Variants in SFSWAP observed in about 807,000 individuals in gnomAD.
SFSWAP encodes the protein splicing factor, suppressor of white-apricot homolog.
A neutral mutation model predicts 100.7 loss-of-function variants in SFSWAP; 17 were observed. That is an observed-to-expected ratio of 0.17 (90% CI 0.12 to 0.25). The LOEUF (loss-of-function observed/expected upper bound fraction) is 0.25. Among genes scored for constraint, SFSWAP ranks in the 10% least tolerant of loss-of-function variants. SFSWAP has a pLI of 1.00. For missense variants in SFSWAP, 1,005 were observed against 1,262.6 expected (o/e 0.80, Z 3.09); for synonymous variants, 504 against 510.1 (o/e 0.99, Z 0.16).
chr12:131,791,382 C>CT (rs2136276871), intron 15 of SFSWAP, among the ~76,000 whole-genome samples: 1 of 150,892 alleles, frequency 6.6e-6, no homozygotes, highest in South Asian at 2.1e-4. Flanking sequence ...AAGTGAGACT[C>CT]TATCTCAAAG....
intron 13 of SFSWAP, among the ~76,000 whole-genome samples, chr12:131,775,904 A>G (rs1883982454): frequency 6.6e-6 from 1 of 151,858 alleles, no homozygotes; most frequent in East Asian, 1.9e-4. Flanking sequence ...AGCCTGGCCA[A>G]AATAGCAAAA....
Position 131,797,247 on chromosome 12 carries a change from G to C in SFSWAP, c.2604G>C (p.Ser868=). 1 of 1,612,650 alleles carries C rather than the reference G, an allele frequency of 6.2e-7. No individual in the cohort carries two copies. Among genetic ancestry groups the C allele is most frequent in the Non-Finnish European group, 8.5e-7 (1 of 1,179,838 alleles). ...SRTKSKARSQ[S]VSPSKQAAPR... The stretch of plus-strand genomic sequence containing the variant: ...CCAAGTCCAAGGCCAGGTCTCAGTC[G>C]GTGTCACCCAGCAAGCAGGCAGCGC... The change falls in exon 16 of 18, where the codon TCG becomes TCC. Residue 868 remains serine (S), a synonymous_variant. Transcript: ENST00000261674.
intron 14 of SFSWAP, among the ~76,000 whole-genome samples, chr12:131,779,549 G>A (rs369358953): frequency 2.6e-5 from 4 of 152,140 alleles, no homozygotes; most frequent in African/African-American, 7.2e-5. Flanking sequence ...TCAGAACCCC[G>A]TTACACCTTG....
In SFSWAP at chr12:131,714,629, T is replaced by C. The variant is rs1877708982; in HGVS notation, c.389-193T>C. On this transcript the variant is annotated intron_variant, in intron 2 of 17. Coordinates refer to ENST00000261674, the MANE Select transcript of SFSWAP (RefSeq NM_004592.4). This position sits in a 1 kb window ranked among gnomAD's most constrained non-coding sequence, Gnocchi z 6.0. ...CACAAAAGACGTGTATTCAGCTGTCTGTGGGTAAACATGTACTGACAAAAG... is the reference window on the plus strand; with the variant it reads ...CACAAAAGACGTGTATTCAGCTGTCCGTGGGTAAACATGTACTGACAAAAG... The C allele has an allele frequency of 1.7e-6, 1 of 589,576 alleles. No homozygotes were observed. Among genetic ancestry groups the C allele is most frequent in the East Asian group, 2.9e-5 (1 of 34,286 alleles). 36.5% of individuals were successfully genotyped at this position (589,576 alleles called of 1,614,324 possible).
intron 7 of SFSWAP, among the ~76,000 whole-genome samples, chr12:131,747,746 G>A (rs1435762501): frequency 1.3e-5 from 2 of 152,196 alleles, no homozygotes; most frequent in African/African-American, 4.8e-5. Context: ...GACTACAGAG[G>A]AGAGGCATGG....
chr12:131,768,702 G>A (rs1394861493), intron 13 of SFSWAP, among the ~76,000 whole-genome samples: 1 of 152,150 alleles, frequency 6.6e-6, no homozygotes, highest in Non-Finnish European at 1.5e-5. Context: ...GGCAAGGTGG[G>A]AACCCCCAGC....
chr12:131,799,144 T>C (rs766459302), intron 17 of SFSWAP, 35 bp downstream of exon 17: 2 of 1,522,662 alleles, frequency 1.3e-6, no homozygotes, highest in South Asian at 2.2e-5. Flanking sequence ...CTCCCAGCCT[T>C]TCATCAAGGG....
intron 7 of SFSWAP, among the ~76,000 whole-genome samples, chr12:131,742,856 A>G (rs904447954): frequency 2.6e-5 from 4 of 152,054 alleles, no homozygotes; most frequent in South Asian, 4.2e-4. Context: ...TGAGGAGGAG[A>G]AGAAGAGGTT....
At chr12:131,765,418 G>GT (rs1883032227) in intron 12 of SFSWAP, among the ~76,000 whole-genome samples, 1 of 152,214 alleles carries the variant, frequency 6.6e-6, no homozygotes, top group African/African-American at 2.4e-5. Context: ...GGAGGCTAAG[G>GT]TGGGTGGATC....
intron 15 of SFSWAP, among the ~76,000 whole-genome samples, chr12:131,788,851 G>A (rs991405943): frequency 1.1e-4 from 17 of 152,124 alleles, no homozygotes; most frequent in South Asian, 2.1e-4. Context: ...CAGAGCGGGC[G>A]TCCACTTCCT....
intron 6 of SFSWAP, among the ~76,000 whole-genome samples, chr12:131,727,369 G>A (rs1396304693): frequency 1.3e-5 from 2 of 152,218 alleles, no homozygotes; most frequent in African/African-American, 4.8e-5. Flanking sequence ...TTTGTTGTGC[G>A]GGTGTGGTGG....
intron 13 of SFSWAP, among the ~76,000 whole-genome samples, chr12:131,768,047 G>A (rs890718548): frequency 1.6e-4 from 24 of 152,254 alleles, no homozygotes; most frequent in Admixed American, 7.8e-4. Flanking sequence ...GCGCGTGCTC[G>A]CTCATCTATA....
intron 13 of SFSWAP, among the ~76,000 whole-genome samples, chr12:131,777,755 AT>A (rs978427473): frequency 3.9e-5 from 6 of 152,022 alleles, no homozygotes; most frequent in Non-Finnish European, 8.8e-5. Flanking sequence ...AAAGGAACGT[AT>A]TTTTTCCCAG....
chr12:131,723,121 G>A (rs757000564), intron 4 of SFSWAP: 2 of 152,110 alleles, frequency 1.3e-5, no homozygotes, highest in Admixed American at 6.5e-5. Flanking sequence ...AAGCTTTATC[G>A]AATTTGTGCA....
At chr12:131,735,991 C>T (rs1879980560) in intron 7 of SFSWAP, among the ~76,000 whole-genome samples, 1 of 152,198 alleles carries the variant, frequency 6.6e-6, no homozygotes, top group African/African-American at 2.4e-5. Context: ...CAAAAAGGCC[C>T]AGGCTTCTGA....
intron 5 of SFSWAP, 152 bp from the exon 6 acceptor site, chr12:131,726,788 G>A (rs775923764): frequency 4.0e-5 from 24 of 596,950 alleles, no homozygotes; most frequent in Non-Finnish European, 7.0e-5. Flanking sequence ...GCCTTCTTCT[G>A]GACAACTTGG....
At chr12:131,737,388 G>C (rs1229357311) in intron 7 of SFSWAP, among the ~76,000 whole-genome samples, 1 of 152,214 alleles carries the variant, frequency 6.6e-6, no homozygotes, top group Non-Finnish European at 1.5e-5. Context: ...TCACCTGCCC[G>C]TTTGCGCTGC....
chr12:131,730,642 C>T lies in SFSWAP; in HGVS notation c.1081+2214C>T, dbSNP rs967062703. 3.3e-5 allele frequency among the ~76,000 whole-genome samples: 5 copies of T among 152,174 alleles called. No homozygotes were observed. The highest frequency in any genetic ancestry group is 2.0e-4 in the Admixed American group (3 of 15,280). On this transcript the variant is annotated intron_variant, in intron 7 of 17. Transcript: ENST00000261674. The surrounding 1 kb of genome is among the most constrained non-coding windows in gnomAD (Gnocchi z 4.0). ...AGGGTTCACCGCAGGGCGGCCAGAG[C>T]CCACACACTTTGGTTTCTTCCCACC...
chr12:131,780,077 T>C (rs1884378216), intron 14 of SFSWAP, among the ~76,000 whole-genome samples: 1 of 152,246 alleles, frequency 6.6e-6, no homozygotes, highest in Admixed American at 6.5e-5. Context: ...TGAGCCACTG[T>C]GCCCAGCCTG....
Sources: gnomAD v4.1 joint callset for allele counts (sites outside exome capture counted in the v4.1 genomes callset) on GRCh38, gnomAD v4.1.1 for gene constraint, Gnocchi (gnomAD v3.1) non-coding constraint, MANE v1.5 for transcripts, NCBI Gene and HGNC (gene_info 2026-07-23, HGNC 2026-07-21) for gene names.